The following FAM200B variants were observed in gnomAD, a reference collection of about 807,000 sequenced individuals.
The protein encoded by FAM200B is protein FAM200B.
A neutral mutation model predicts 33.1 loss-of-function variants in FAM200B; 32 were observed. The observed-to-expected ratio is 0.97, with a 90% CI of 0.73 to 1.30. The LOEUF (loss-of-function observed/expected upper bound fraction) is 1.30. Among genes scored for constraint, FAM200B ranks in the 50% most tolerant of loss-of-function variants. The pLI, the probability that FAM200B is intolerant of heterozygous loss-of-function variation, is 0.00. For synonymous variants in FAM200B, 240 were observed against 264.8 expected (o/e 0.91, Z 0.91); for missense variants, 741 against 754.0 (o/e 0.98, Z 0.20).
the FAM200B span, among the ~76,000 whole-genome samples, chr4:15,670,151 T>C: frequency 2.0e-5 from 3 of 152,362 alleles, no homozygotes; most frequent in Admixed American, 1.3e-4. Flanking sequence ...ATGTGTTCCA[T>C]TGTATTCCAG....
At chr4:15,660,387 A>G in the FAM200B span, among the ~76,000 whole-genome samples, 1 of 152,280 alleles carries the variant, frequency 6.6e-6, no homozygotes, top group Non-Finnish European at 1.5e-5. Flanking sequence ...CAGCCCCGAC[A>G]TTGTTTTAAA....
At chr4:15,683,453 C>G (rs1487939104) in intron 1 of FAM200B, among the ~76,000 whole-genome samples, 1 of 152,028 alleles carries the variant, frequency 6.6e-6, no homozygotes, top group Non-Finnish European at 1.5e-5. Context: ...AGTAACTGAA[C>G]TAGTGTTACA....
At chr4:15,658,226 A>G in the FAM200B span, among the ~76,000 whole-genome samples, 1 of 152,376 alleles carries the variant, frequency 6.6e-6, no homozygotes, top group Non-Finnish European at 1.5e-5. Flanking sequence ...AAAACAAGCA[A>G]TGAAAGAATG....
the FAM200B span, among the ~76,000 whole-genome samples, chr4:15,646,809 T>C: frequency 1.6e-4 from 24 of 151,696 alleles, no homozygotes; most frequent in African/African-American, 5.6e-4. Context: ...GGTTTTTTTG[T>C]CCTTGCGACA....
the FAM200B span, among the ~76,000 whole-genome samples, chr4:15,660,934 G>A: frequency 1.7e-4 from 26 of 151,960 alleles, no homozygotes; most frequent in South Asian, 8.3e-4. Flanking sequence ...AAAATTAGCC[G>A]GGCATGGTGG....
In FAM200B at chr4:15,686,982, A is replaced by G; in HGVS notation, c.5A>G (p.Asp2Gly). 1 of 1,375,810 alleles carries G rather than the reference A, an allele frequency of 7.3e-7. No homozygotes were observed. The highest frequency in any genetic ancestry group is 1.6e-5 in the South Asian group (1 of 62,240). The allele number at this position is 1,375,810 out of a possible 1,614,324, so 85.2% of individuals were successfully genotyped here. Residue 2 changes from aspartate to glycine, a missense_variant, in exon 2 of 2, where the codon GAT becomes GGT. Transcript: ENST00000422728. ...CTGGAACAAATTGCTATTAAAATGG[A>G]TCATTTCTTTATTAAAAGAAAGAGG... The part of the protein sequence containing the change: M[D>G]HFFIKRKRNS...
the FAM200B span, among the ~76,000 whole-genome samples, chr4:15,641,947 G>A: frequency 7.2e-5 from 11 of 151,968 alleles, no homozygotes; most frequent in African/African-American, 2.4e-4. Flanking sequence ...AGAACTGCTT[G>A]AACCTGGAAG....
the FAM200B span, among the ~76,000 whole-genome samples, chr4:15,641,788 A>T: frequency 2.0e-5 from 3 of 152,094 alleles, no homozygotes; most frequent in African/African-American, 7.2e-5. Context: ...CCACTTTGGG[A>T]CGCAGAGGCA....
chr4:15,672,826 T>C, the FAM200B span, among the ~76,000 whole-genome samples: 1 of 152,206 alleles, frequency 6.6e-6, no homozygotes, highest in Non-Finnish European at 1.5e-5. Flanking sequence ...TTTTTGACTC[T>C]CTTGTAATAA....
the FAM200B span, chr4:15,638,458 G>A: frequency 2.9e-6 from 4 of 1,361,464 alleles, no homozygotes; most frequent in Admixed American, 2.5e-5. Flanking sequence ...TCAGTAAGAT[G>A]TCAATGACCT....
At chr4:15,684,591 A>G (rs757882828) in intron 1 of FAM200B, 14 of 152,246 alleles carry the variant, frequency 9.2e-5, no homozygotes, top group Non-Finnish European at 1.8e-4. Flanking sequence ...TAACTATGGA[A>G]GGAAGAGTCA....
chr4:15,655,822 C>G, the FAM200B span, among the ~76,000 whole-genome samples: 1 of 152,184 alleles, frequency 6.6e-6, no homozygotes, highest in African/African-American at 2.4e-5. Flanking sequence ...CTGCGATTGG[C>G]CCGTGCCAGA....
upstream of FAM200B, among the ~76,000 whole-genome samples, chr4:15,677,062 C>T (rs997343958): frequency 2.0e-5 from 3 of 152,050 alleles, no homozygotes; most frequent in Non-Finnish European, 2.9e-5. Context: ...TCGGATATAC[C>T]GCTAGATAGC....
chr4:15,686,960 G>A lies in FAM200B; in HGVS notation c.-18G>A. ...CAATTATAACATTTTAATCAAACTG[G>A]AACAAATTGCTATTAAAATGGATCA... On this transcript the variant is annotated 5_prime_UTR_variant, in exon 2 of 2. Coordinates refer to ENST00000422728, the MANE Select transcript of FAM200B (RefSeq NM_001145191.2). 1 of 1,252,466 alleles carries A rather than the reference G, an allele frequency of 8.0e-7. No individual in the cohort carries two copies. Among genetic ancestry groups the A allele is most frequent in the African/African-American group, 1.5e-5 (1 of 65,300 alleles). The allele number at this position is 1,252,466 out of a possible 1,614,324, so 77.6% of individuals were successfully genotyped here.
the FAM200B span, among the ~76,000 whole-genome samples, chr4:15,640,475 A>G: frequency 6.6e-6 from 1 of 151,804 alleles, no homozygotes; most frequent in Non-Finnish European, 1.5e-5. Flanking sequence ...AGAATCCTCT[A>G]AAGGTTCTGA....
chr4:15,673,960 A>G, the FAM200B span, among the ~76,000 whole-genome samples: 1 of 152,218 alleles, frequency 6.6e-6, no homozygotes, highest in African/African-American at 2.4e-5. Context: ...CTGATATCCA[A>G]TATCTTGGAA....
chr4:15,650,727 G>A, the FAM200B span, among the ~76,000 whole-genome samples: 4 of 121,788 alleles, frequency 3.3e-5, no homozygotes, highest in East Asian at 2.6e-4. Flanking sequence ...GAGTGCAATC[G>A]CCAATTCCAG....
chr4:15,654,927 C>T, the FAM200B span, among the ~76,000 whole-genome samples: 3 of 151,966 alleles, frequency 2.0e-5, no homozygotes, highest in Non-Finnish European at 4.4e-5. Flanking sequence ...CGGCCAGTGA[C>T]GCCGGTAGCG....
At chr4:15,655,426 G>A in the FAM200B span, 1 of 991,584 alleles carries the variant, frequency 1.0e-6, no homozygotes, top group Non-Finnish European at 1.2e-6. Flanking sequence ...CTTGGCCGGC[G>A]GGGACGCGGG....
Sources: allele counts gnomAD v4.1 joint callset (sites outside exome capture counted in the v4.1 genomes callset), GRCh38; gene constraint gnomAD v4.1.1; transcripts MANE v1.5; gene names NCBI Gene and HGNC (gene_info 2026-07-23, HGNC 2026-07-21).